ASIC2: variants seen among roughly 807,000 people sequenced by gnomAD.
ASIC2 encodes the protein acid sensing ion channel subunit 2, also known as acid-sensing ion channel 2.
Under a neutral mutation model 57.3 loss-of-function variants are expected in ASIC2, and 25 were observed. That is an observed-to-expected ratio of 0.44 (90% CI 0.32 to 0.61). The LOEUF is 0.61. Ranked by LOEUF, ASIC2 falls within the 20% of genes least tolerant of loss-of-function variation. The probability of loss-of-function intolerance (pLI) is 0.06; values close to 1 mark genes in which losing one functional copy is unlikely to be tolerated. For synonymous variants in ASIC2, 319 were observed against 307.5 expected, an observed-to-expected ratio of 1.04 and a Z score of -0.39; for missense variants, 641 against 738.1, an observed-to-expected ratio of 0.87 and a Z score of 1.52.
intron 1 of ASIC2, among the ~76,000 whole-genome samples, chr17:33,577,591 C>T (rs1182568361): frequency 6.6e-6 from 1 of 152,100 alleles, no homozygotes; most frequent in Non-Finnish European, 1.5e-5. Context: ...GGAATATGGC[C>T]CTGGAATGAG....
chr17:33,104,576 T>C (rs924824174), intron 2 of ASIC2, among the ~76,000 whole-genome samples: 3 of 152,226 alleles, frequency 2.0e-5, no homozygotes, highest in African/African-American at 7.2e-5. Context: ...TGCTTTTGTC[T>C]GTTTTCTACG....
chr17:33,964,027 G>T (rs1214657612), intron 1 of ASIC2, among the ~76,000 whole-genome samples: 6 of 152,154 alleles, frequency 3.9e-5, no homozygotes. Flanking sequence ...ACTCAGAAAA[G>T]AAAATTATGG....
At chr17:33,776,116 C>T (rs1409203527) in intron 1 of ASIC2, among the ~76,000 whole-genome samples, 1 of 130,484 alleles carries the variant, frequency 7.7e-6, no homozygotes, top group Non-Finnish European at 1.6e-5. Flanking sequence ...TTATGTGACA[C>T]AGCAAGACTC....
At chr17:34,131,974 CT>C (rs1911984702) in intron 1 of ASIC2, among the ~76,000 whole-genome samples, 1 of 152,150 alleles carries the variant, frequency 6.6e-6, no homozygotes, top group Non-Finnish European at 1.5e-5. Context: ...ATTTTGGAAA[CT>C]TTTGTGACAA....
intron 3 of ASIC2, among the ~76,000 whole-genome samples, chr17:33,050,311 A>G (rs1430354499): frequency 6.6e-6 from 1 of 152,146 alleles, no homozygotes; most frequent in Non-Finnish European, 1.5e-5. Context: ...GACAAAACGT[A>G]TTGGCGGCAT....
chr17:34,075,367 T>A (rs1003106294), intron 1 of ASIC2, among the ~76,000 whole-genome samples: 1 of 152,206 alleles, frequency 6.6e-6, no homozygotes, highest in Non-Finnish European at 1.5e-5. Flanking sequence ...TGTGTGGCCA[T>A]GGATAAGTCA....
intron 1 of ASIC2, among the ~76,000 whole-genome samples, chr17:33,609,938 G>A (rs1175664801): frequency 6.6e-6 from 1 of 152,180 alleles, no homozygotes; most frequent in Middle Eastern, 3.4e-3. Flanking sequence ...CTGGCCACAG[G>A]CTTCCCCCTC....
intron 1 of ASIC2, among the ~76,000 whole-genome samples, chr17:33,317,883 ATGAGTGTGTGTGTGTGTG>A (rs1906718924): frequency 8.8e-6 from 1 of 113,558 alleles, no homozygotes. Flanking sequence ...ACGTGTGGAG[ATGAGTGTGTGTGTGTGTG>A]TGTGTGTGTG....
rs180684359 is a variant in ASIC2, at chr17:33,112,983, C to T, written c.709-916G>A. Among the ~76,000 whole-genome samples the T allele has an allele frequency of 3.4e-3, 524 of 152,314 alleles. 3 individuals carry two copies. Among genetic ancestry groups the T allele is most frequent in the African/African-American group, 0.011 (475 of 41,576 alleles). ...TGCCTTTCACTGTGCTGCTTCCCGC[C>T]TGAGTCCAGCAGCATCCACTGGAAG... On this transcript the variant is annotated intron_variant, in intron 1 of 9. Coordinates refer to ENST00000225823, the MANE Select transcript of ASIC2 (RefSeq NM_183377.2).
chr17:33,069,516 T>C (rs1422779142), intron 3 of ASIC2, among the ~76,000 whole-genome samples: 1 of 152,208 alleles, frequency 6.6e-6, no homozygotes, highest in Non-Finnish European at 1.5e-5. Flanking sequence ...TTTGAAACTC[T>C]GCTATTAGGT....
intron 1 of ASIC2, chr17:34,118,820 T>C (rs1567828580): frequency 1.3e-5 from 2 of 152,276 alleles, no homozygotes; most frequent in Admixed American, 6.5e-5. Context: ...GAACGGGTGC[T>C]CTAAGGTTGT....
chr17:33,420,681 C>A (rs1911014087), intron 1 of ASIC2, among the ~76,000 whole-genome samples: 1 of 152,164 alleles, frequency 6.6e-6, no homozygotes, highest in South Asian at 2.1e-4. Context: ...GTCCACCCCC[C>A]TCCAAAATAG....
At chr17:34,035,787 C>T (rs1026261379) in intron 1 of ASIC2, among the ~76,000 whole-genome samples, 6 of 152,268 alleles carry the variant, frequency 3.9e-5, no homozygotes, top group African/African-American at 1.2e-4. Context: ...AAAAAATGCT[C>T]ACCATCACTG....
chr17:33,514,535 A>C (rs1290359142), intron 1 of ASIC2, among the ~76,000 whole-genome samples: 1 of 152,218 alleles, frequency 6.6e-6, no homozygotes, highest in Non-Finnish European at 1.5e-5. Context: ...CCAACAAGAC[A>C]AATGGACTCC....
chr17:34,145,674 C>T (rs552833834), intron 1 of ASIC2, among the ~76,000 whole-genome samples: 1 of 152,280 alleles, frequency 6.6e-6, no homozygotes, highest in Non-Finnish European at 1.5e-5. Flanking sequence ...TGATTGCCTT[C>T]GAAGTGTTTT....
intron 1 of ASIC2, chr17:34,118,264 T>G (rs1421708873): frequency 6.6e-6 from 1 of 152,200 alleles, no homozygotes; most frequent in Non-Finnish European, 1.5e-5. Flanking sequence ...GTGGAATCAA[T>G]GAGTTAATGT....
intron 1 of ASIC2, among the ~76,000 whole-genome samples, chr17:34,088,369 G>A (rs925036943): frequency 9.2e-5 from 14 of 151,894 alleles, no homozygotes; most frequent in African/African-American, 1.9e-4. Context: ...TTTCGTGAAC[G>A]GCGAATGCTG....
At chr17:33,865,995 A>G (rs1016289691) in intron 1 of ASIC2, among the ~76,000 whole-genome samples, 3 of 152,162 alleles carry the variant, frequency 2.0e-5, no homozygotes, top group South Asian at 2.1e-4. Flanking sequence ...AACTTCACAT[A>G]TAATGAATCA....
intron 1 of ASIC2, among the ~76,000 whole-genome samples, chr17:33,181,595 T>C (rs995972113): frequency 6.6e-6 from 1 of 152,180 alleles, no homozygotes; most frequent in Non-Finnish European, 1.5e-5. Context: ...TCTTTGCTTC[T>C]GTGGCCTTCT....
Sources: gnomAD v4.1 joint callset for allele counts (sites outside exome capture counted in the v4.1 genomes callset) on GRCh38, gnomAD v4.1.1 for gene constraint, MANE v1.5 for transcripts, NCBI Gene and HGNC (gene_info 2026-07-23, HGNC 2026-07-21) for gene names.